The following CDKL1 variants were observed in gnomAD, a reference collection of about 807,000 sequenced individuals.
CDKL1 encodes the protein cyclin dependent kinase like 1, also known as cyclin-dependent kinase-like 1.
CDKL1 carries 41 observed loss-of-function variants against 42.0 expected under a neutral mutation model. The ratio of observed to expected loss-of-function variants is 0.98; its 90% confidence interval spans 0.76 to 1.27. CDKL1 has a LOEUF of 1.27. Ranked by LOEUF, CDKL1 falls within the 50% of genes most tolerant of loss-of-function variation. The pLI, the probability that CDKL1 is intolerant of heterozygous loss-of-function variation, is 0.00. For missense variants in CDKL1, 394 were observed against 428.4 expected (o/e 0.92, Z 0.71); for synonymous variants, 153 against 158.6 (o/e 0.96, Z 0.26).
At chr14:50,363,712 A>G (rs967109568) in intron 2 of CDKL1, 5 of 152,220 alleles carry the variant, frequency 3.3e-5, no homozygotes, top group Non-Finnish European at 5.9e-5. Flanking sequence ...CTACCCAAAC[A>G]AATCCCCCGA....
chr14:50,344,474 T>C (rs1402620238), intron 4 of CDKL1, among the ~76,000 whole-genome samples: 1 of 149,636 alleles, frequency 6.7e-6, no homozygotes, highest in Non-Finnish European at 1.5e-5. Flanking sequence ...TGTGGTTTTT[T>C]TTTTTTTTTT....
chr14:50,375,981 ACT>A (rs1156715151), intron 2 of CDKL1, among the ~76,000 whole-genome samples: 3 of 152,072 alleles, frequency 2.0e-5, no homozygotes, highest in Non-Finnish European at 2.9e-5. Flanking sequence ...AAACATGTAA[ACT>A]CTGAGAAACT....
At chr14:50,378,619 G>A (rs191743380) in intron 2 of CDKL1, among the ~76,000 whole-genome samples, 5 of 150,882 alleles carry the variant, frequency 3.3e-5, no homozygotes, top group South Asian at 4.2e-4. Context: ...CTGCAGCCTT[G>A]AACTCCTAGG....
chr14:50,335,068 G>A (rs1397913196), intron 7 of CDKL1, among the ~76,000 whole-genome samples: 1 of 151,592 alleles, frequency 6.6e-6, no homozygotes, highest in Non-Finnish European at 1.5e-5. Context: ...AAGTCTGATG[G>A]CTTGAGCCCA....
At chr14:50,373,738 A>C (rs763210964) in intron 2 of CDKL1, among the ~76,000 whole-genome samples, 1 of 152,224 alleles carries the variant, frequency 6.6e-6, no homozygotes, top group Non-Finnish European at 1.5e-5. Flanking sequence ...TTACACACCT[A>C]TTAGAATGGC....
intron 9 of CDKL1, chr14:50,330,862 G>A (rs1307452280): frequency 6.6e-6 from 1 of 152,140 alleles, no homozygotes; most frequent in Non-Finnish European, 1.5e-5. Context: ...TTACTTTCTA[G>A]AAAAAAATTT....
At chr14:50,377,728 C>A in intron 2 of CDKL1, 2 of 1,273,464 alleles carry the variant, frequency 1.6e-6, no homozygotes, top group South Asian at 1.4e-5. Context: ...CTTGCTTCGG[C>A]ACTGCAGTGG....
Position 50,330,018 on chromosome 14 carries a change from T to C in CDKL1, c.*56A>G, listed in dbSNP as rs2032848960. 1 of 1,575,026 alleles carries C rather than the reference T, an allele frequency of 6.3e-7. No homozygotes were observed. The highest frequency in any genetic ancestry group is 1.4e-5 in the African/African-American group (1 of 72,586). On this transcript the variant is annotated 3_prime_UTR_variant, in exon 10 of 10. Coordinates refer to ENST00000395834, the MANE Select transcript of CDKL1 (RefSeq NM_004196.7). The stretch of plus-strand genomic sequence containing the variant: ...TGTTTTCAATCAACTGTATAAGTTT[T>C]ATTTTCTTCAAAGCATCTATTGATT...
chr14:50,379,276 A>C (rs868409220), intron 2 of CDKL1, among the ~76,000 whole-genome samples: 5 of 151,980 alleles, frequency 3.3e-5, no homozygotes, highest in South Asian at 2.1e-4. Context: ...AAGGAGGGGG[A>C]AATATTAGAA....
Position 50,341,156 on chromosome 14 carries a change from C to G in CDKL1, c.531G>C (p.Thr177=), listed in dbSNP as rs750723269. 1.2e-5 allele frequency: 20 copies of G among 1,614,034 alleles called. No individual in the cohort carries two copies. The highest frequency in any genetic ancestry group is 4.4e-5 in the South Asian group (4 of 91,086). Residue 177 remains threonine, a synonymous_variant, in exon 6 of 10, where the codon ACG becomes ACC. Transcript: ENST00000395834. ...YRSPELLVGD[T]QYGPPVDVWA... is the part of the protein sequence containing the mutation. The stretch of plus-strand genomic sequence containing the variant: ...AAACATCCACCGGGGGGCCGTACTG[C>G]GTGTCCCCCACCAGCAGCTCAGGGG...
chr14:50,396,810 C>G lies in CDKL1; in HGVS notation c.-462+14G>C, dbSNP rs1355369002. 3.0e-5 allele frequency: 5 copies of G among 166,308 alleles called. No individual in the cohort carries two copies. Among genetic ancestry groups the G allele is most frequent in the Non-Finnish European group, 6.3e-5 (5 of 79,026 alleles). 10.3% of individuals were successfully genotyped at this position (166,308 alleles called of 1,614,324 possible). Reference sequence around the variant, plus strand: ...CAGGGACGGCCCGCGCCTCCTTGCCCGCCCGGGACTCACGGCGCCGCGGCG... The same window carrying G: ...CAGGGACGGCCCGCGCCTCCTTGCCGGCCCGGGACTCACGGCGCCGCGGCG... On this transcript the variant is annotated intron_variant, in intron 1 of 9. Transcript: ENST00000395834.
upstream of CDKL1, chr14:50,397,137 A>G (rs2035438796): frequency 7.3e-7 from 1 of 1,365,924 alleles, no homozygotes; most frequent in African/African-American, 1.5e-5. Flanking sequence ...CGCAGCTGTA[A>G]CCGCGTCTGC....
At chr14:50,383,642 G>A (rs572845461) in intron 2 of CDKL1, among the ~76,000 whole-genome samples, 7 of 151,320 alleles carry the variant, frequency 4.6e-5, no homozygotes, top group Non-Finnish European at 1.0e-4. Context: ...TAATTTAAGG[G>A]GCAAAAAAGC....
chr14:50,341,326 T>C (rs920786317), intron 5 of CDKL1, 94 bp from the exon 6 acceptor site: 3 of 1,457,904 alleles, frequency 2.1e-6, no homozygotes, highest in Non-Finnish European at 9.1e-7. Flanking sequence ...GTGCCCAATT[T>C]TGTGGCCTTT....
At position 50,396,705 on chromosome 14, in the gene CDKL1, C is replaced by A. The variant is rs1395901444; in HGVS notation, c.-462+119G>T. The A allele has an allele frequency of 5.1e-5, 8 of 156,672 alleles. No homozygotes were observed. In the Admixed American group the frequency reaches 5.2e-4, roughly 10 times the overall value. 9.7% of individuals were successfully genotyped at this position (156,672 alleles called of 1,614,324 possible). On this transcript the variant is annotated intron_variant, in intron 1 of 9. Transcript: ENST00000395834. ...AACCCGCGCCCCGCGCCCCACGCCC[C>A]CGGGACTGGGAAAACCCTCCCGCGC...
intron 2 of CDKL1, chr14:50,390,114 G>A (rs2035211023): frequency 7.4e-7 from 1 of 1,352,444 alleles, no homozygotes; most frequent in Non-Finnish European, 9.9e-7. Context: ...AATTTACTAG[G>A]TCCCTTGCCC....
chr14:50,359,008 G>T lies in CDKL1; in HGVS notation c.290+20C>A, dbSNP rs764226846. ...ATCCCAGTGTGTCTTTGTTTTGCTTGTAAGGGATGGATCACTCACCCTCTT... is the reference window on the plus strand; with the variant it reads ...ATCCCAGTGTGTCTTTGTTTTGCTTTTAAGGGATGGATCACTCACCCTCTT... On this transcript the variant is annotated intron_variant, in intron 3 of 9. Transcript: ENST00000395834. 17 of 1,601,774 alleles carry T rather than the reference G, an allele frequency of 1.1e-5. No homozygotes were observed. The highest frequency in any genetic ancestry group is 1.5e-5 in the Non-Finnish European group (17 of 1,172,390).
intron 3 of CDKL1, among the ~76,000 whole-genome samples, chr14:50,346,096 G>A (rs1715084005): frequency 6.6e-6 from 1 of 152,094 alleles, no homozygotes; most frequent in Admixed American, 6.5e-5. Context: ...CAGGGAGGAA[G>A]CTCTTGAGTA....
At chr14:50,358,174 G>T in intron 3 of CDKL1, 1 of 1,296,622 alleles carries the variant, frequency 7.7e-7, no homozygotes, top group Non-Finnish European at 1.0e-6. Flanking sequence ...AAGATCAGCG[G>T]AGCCCCCGGA....
Sources: gnomAD v4.1 joint callset for allele counts (sites outside exome capture counted in the v4.1 genomes callset) on GRCh38, gnomAD v4.1.1 for gene constraint, MANE v1.5 for transcripts, NCBI Gene and HGNC (gene_info 2026-07-23, HGNC 2026-07-21) for gene names.